Variants in NME6 observed in about 807,000 individuals in gnomAD.
NME6 encodes the protein nucleoside diphosphate kinase 6, mitochondrial.
A neutral mutation model predicts 22.2 loss-of-function variants in NME6; 16 were observed. The ratio of observed to expected loss-of-function variants is 0.72; its 90% CI spans 0.49 to 1.09. NME6 has a LOEUF of 1.09. Among genes scored for constraint, NME6 ranks in the 50% least tolerant of loss-of-function variants. The pLI is 0.00. For missense variants in NME6, 229 were observed against 239.0 expected (o/e 0.96, Z 0.28); for synonymous variants, 58 against 85.2 (o/e 0.68, Z 1.76).
intron 4 of NME6, chr3:48,295,773 T>C (rs1339577848): frequency 8.8e-6 from 3 of 342,170 alleles, no homozygotes; most frequent in African/African-American, 6.4e-5. Flanking sequence ...TAGAGTGCAG[T>C]GCCACGATCT....
downstream of NME6, chr3:48,290,957 A>T (rs2034410381): frequency 3.5e-6 from 1 of 285,390 alleles, no homozygotes; most frequent in Admixed American, 4.1e-5. Context: ...CTAAGCAGTC[A>T]TCTGCATAGA....
chr3:48,301,269 C>G (rs756844132), intron 1 of NME6, 84 bp downstream of exon 1: 14 of 1,595,326 alleles, frequency 8.8e-6, no homozygotes, highest in Middle Eastern at 1.9e-4. Flanking sequence ...GCAGCCCTCA[C>G]CCCTCGTACC....
In NME6 at chr3:48,292,437, G is replaced by C. The variant is rs2034590256; in HGVS notation, c.*2200C>G. Reference sequence around the variant, plus strand: ...TGTGTCTCTTGTGGGTGTCTTAATTGTCAGATTTTGTACGCTTTGACCACC... The same window carrying C: ...TGTGTCTCTTGTGGGTGTCTTAATTCTCAGATTTTGTACGCTTTGACCACC... On this transcript the variant is annotated 3_prime_UTR_variant, in exon 6 of 6. Transcript: ENST00000442597. The C allele has an allele frequency of 6.6e-6, 1 of 152,120 alleles. No individual in the cohort carries two copies. Among genetic ancestry groups the C allele is most frequent in the South Asian group, 2.1e-4 (1 of 4,828 alleles). 9.4% of individuals were successfully genotyped at this position (152,120 alleles called of 1,614,324 possible).
rs1253542849 is a variant in NME6 at position 48,295,008 on chromosome 3, G to A, written c.394+67C>T. 5.8e-6 allele frequency: 9 copies of A among 1,552,212 alleles called. No individual in the cohort carries two copies. The East Asian group carries it at 1.8e-4, about 31-fold the overall frequency. On this transcript the variant is annotated intron_variant, in intron 5 of 5. Coordinates refer to ENST00000442597, the MANE Select transcript of NME6 (RefSeq NM_001308426.2). ...GAAAGCTCACTGGAGGGACCTGGCT[G>A]TCAACTCTACCACACAGCCTGCCCG...
intron 5 of NME6, 111 bp from the exon 6 acceptor site, chr3:48,294,914 G>A: frequency 7.1e-7 from 1 of 1,405,392 alleles, no homozygotes. Context: ...TTCAGTCCTG[G>A]GGCATGTAAA....
chr3:48,301,319 C>A (rs2035685838), intron 1 of NME6, 34 bp downstream of exon 1: 2 of 1,590,570 alleles, frequency 1.3e-6, no homozygotes, highest in Non-Finnish European at 1.7e-6. Flanking sequence ...TCATTCGGAG[C>A]CCCAGTGCAG....
At chr3:48,300,642 G>A in intron 1 of NME6, 1 of 271,048 alleles carries the variant, frequency 3.7e-6, no homozygotes, top group South Asian at 3.6e-5. Context: ...GGCCTGTAGG[G>A]AGGACATGGT....
At chr3:48,298,895 C>A in intron 1 of NME6, 1 of 696,256 alleles carries the variant, frequency 1.4e-6, no homozygotes, top group Non-Finnish European at 2.6e-6. Flanking sequence ...TCCTAAACAG[C>A]CTATCCACAA....
At chr3:48,299,058 T>C (rs1278091272) in intron 1 of NME6, 18 of 695,046 alleles carry the variant, frequency 2.6e-5, no homozygotes, top group Non-Finnish European at 3.2e-5. Flanking sequence ...TATTCTAATA[T>C]TATGGAGAGA....
rs2106900909 is a variant in NME6, at chr3:48,292,535, G to C, written c.*2102C>G. The C allele has an allele frequency of 6.6e-6, 1 of 152,134 alleles. No individual in the cohort carries two copies. The highest frequency in any genetic ancestry group is 2.1e-4 in the South Asian group (1 of 4,824). 9.4% of individuals were successfully genotyped at this position (152,134 alleles called of 1,614,324 possible). A position where few individuals can be genotyped will look rare whatever the true frequency, so the allele number is the denominator to read the frequency against. On this transcript the variant is annotated 3_prime_UTR_variant, in exon 6 of 6. Coordinates refer to ENST00000442597, the MANE Select transcript of NME6 (RefSeq NM_001308426.2). ...GTGGGCTGAGATGTTGACAGATTTT[G>C]TTCCAGACTATTTCAAGGATTTTTT... is the stretch of plus-strand genomic sequence containing the variant.
intron 3 of NME6, 40 bp from the exon 4 acceptor site, chr3:48,296,198 T>C: frequency 6.2e-7 from 1 of 1,614,084 alleles, no homozygotes. Flanking sequence ...ACCTTCATCC[T>C]GGTGCCCAAG....
At chr3:48,296,958 G>A in intron 2 of NME6, 129 bp from the exon 3 acceptor site, 1 of 664,924 alleles carries the variant, frequency 1.5e-6, no homozygotes, top group East Asian at 2.8e-5. Flanking sequence ...GACGAGGTGG[G>A]GTGAGGTGAA....
chr3:48,295,051 T>C, intron 5 of NME6, 24 bp downstream of exon 5: 1 of 1,605,630 alleles, frequency 6.2e-7, no homozygotes, highest in Non-Finnish European at 8.5e-7. Context: ...CAAAATATCC[T>C]ATGGCTATGG....
rs546727407 is a variant in NME6, at chr3:48,292,997, G to A, written c.*1640C>T. The A allele has an allele frequency of 6.6e-6, 1 of 152,248 alleles. No homozygotes were observed. The highest frequency in any genetic ancestry group is 6.5e-5 in the Admixed American group (1 of 15,276). The allele number at this position is 152,248 out of a possible 1,614,324, so 9.4% of individuals were successfully genotyped here. On this transcript the variant is annotated 3_prime_UTR_variant, in exon 6 of 6. Coordinates refer to ENST00000442597, the MANE Select transcript of NME6 (RefSeq NM_001308426.2). ...GCCCTGTGGGACTTGGAGGGCAAGG[G>A]AGACCAAGGCTAACACACTGCCTGC...
At position 48,296,717 on chromosome 3, in the gene NME6, C is replaced by A. The variant is rs1334224516; in HGVS notation, c.193+10G>T. 6.3e-7 allele frequency: 1 copy of A among 1,598,988 alleles called. No individual in the cohort carries two copies. Among genetic ancestry groups the A allele is most frequent in the African/African-American group, 1.3e-5 (1 of 74,496 alleles). Reference sequence around the variant, plus strand: ...GAGGCACCTTCCATTCAGAGGACTACTGATCCTACCTTCATGCTCTCGGTA... The same window carrying A: ...GAGGCACCTTCCATTCAGAGGACTAATGATCCTACCTTCATGCTCTCGGTA... On this transcript the variant is annotated intron_variant, in intron 3 of 5. Coordinates refer to ENST00000442597, the MANE Select transcript of NME6 (RefSeq NM_001308426.2).
At position 48,296,798 on chromosome 3, in the gene NME6, A is replaced by C; in HGVS notation, c.122T>G (p.Phe41Cys). 1 of 1,613,742 alleles carries C rather than the reference A, an allele frequency of 6.2e-7. No individual in the cohort carries two copies. The highest frequency in any genetic ancestry group is 8.5e-7 in the Non-Finnish European group (1 of 1,179,890). ...TAGTTCTCTCATTCGTACAATCAGGAACTTGTTGCTTAGAATCTGCTGATG... is the reference window on the plus strand; with the variant it reads ...TAGTTCTCTCATTCGTACAATCAGGCACTTGTTGCTTAGAATCTGCTGATG... ...AVHQQILSNK[F>C]LIVRMRELLW... Residue 41 changes from phenylalanine to cysteine, a missense_variant, in exon 3 of 6, where the codon TTC becomes TGC. By Grantham distance (205) the Phe-to-Cys change is radical (BLOSUM62 -2). Transcript: ENST00000442597.
downstream of NME6, among the ~76,000 whole-genome samples, chr3:48,289,050 A>G (rs2034295660): frequency 6.6e-6 from 1 of 151,452 alleles, no homozygotes; most frequent in Non-Finnish European, 1.5e-5. Context: ...TGACCTGAAG[A>G]GATGGACATT....
In NME6 at chr3:48,296,122, G is replaced by C. The variant is rs543790164; in HGVS notation, c.230C>G (p.Ala77Gly). The C allele has an allele frequency of 3.1e-6, 5 of 1,607,852 alleles. No individual in the cohort carries two copies. The African/African-American group carries it at 5.3e-5, about 17-fold the overall frequency. The stretch of plus-strand genomic sequence containing the variant: ...GCTGGAACCAAATTTGAAGTACCTG[G>C]CCATGAACTCCACCAGCCTCTGATA... ...FFYQRLVEFM[A>G]SGPIRAYILA... The change falls in exon 4 of 6, where the codon GCC (alanine) becomes GGC (glycine). Residue 77 changes from alanine to glycine, a missense_variant. Physicochemically the swap from Ala to Gly is moderately conservative, Grantham distance 60. Transcript: ENST00000442597.
chr3:48,301,346 G>A lies in NME6; in HGVS notation c.-8+7C>T, dbSNP rs371648563. 7.0e-6 allele frequency: 11 copies of A among 1,569,072 alleles called. No individual in the cohort carries two copies. In the South Asian group the frequency reaches 1.1e-4, roughly 15 times the overall value. ...CCAGTGCAGCAGAAGTCCGGCTGCGGGTTCACCTTGTCCTCCGGCACAGGG... is the reference window on the plus strand; with the variant it reads ...CCAGTGCAGCAGAAGTCCGGCTGCGAGTTCACCTTGTCCTCCGGCACAGGG... On this transcript the variant is annotated splice_region_variant and intron_variant, in intron 1 of 5. Coordinates refer to ENST00000442597, the MANE Select transcript of NME6 (RefSeq NM_001308426.2).
Sources: gnomAD v4.1 joint callset for allele counts (sites outside exome capture counted in the v4.1 genomes callset) on GRCh38, gnomAD v4.1.1 for gene constraint, MANE v1.5 for transcripts, NCBI Gene and HGNC (gene_info 2026-07-23, HGNC 2026-07-21) for gene names.